COL19A1: variants seen among roughly 807,000 people sequenced by gnomAD.
COL19A1 encodes collagen alpha-1(XIX) chain.
Under a neutral mutation model 190.2 loss-of-function variants are expected in COL19A1, and 159 were observed. The ratio of observed to expected loss-of-function variants is 0.84; its 90% CI spans 0.73 to 0.95. COL19A1 has a LOEUF of 0.95. Ranked by LOEUF, COL19A1 falls within the 40% of genes least tolerant of loss-of-function variation. The probability of loss-of-function intolerance (pLI) is 0.00; values close to 1 mark genes in which losing one functional copy is unlikely to be tolerated. For synonymous variants in COL19A1, 509 were observed against 458.9 expected, an observed-to-expected ratio of 1.11 and a Z score of -1.39; for missense variants, 1,418 against 1,431.9, an observed-to-expected ratio of 0.99 and a Z score of 0.16.
intron 36 of COL19A1, 81 bp downstream of exon 36, chr6:70,163,477 T>A: frequency 7.5e-7 from 1 of 1,326,014 alleles, no homozygotes; most frequent in Non-Finnish European, 1.1e-6. Context: ...GAGAGAGCCA[T>A]AAAATCAAGC....
At chr6:69,977,319 A>G (rs186107521) in intron 11 of COL19A1, among the ~76,000 whole-genome samples, 9 of 149,230 alleles carry the variant, frequency 6.0e-5, no homozygotes, top group Admixed American at 6.7e-5. Flanking sequence ...AAGGACAAAA[A>G]GCCAAACACC....
intron 16 of COL19A1, among the ~76,000 whole-genome samples, chr6:70,113,159 C>T (rs1784378062): frequency 6.6e-6 from 1 of 152,122 alleles, no homozygotes; most frequent in Non-Finnish European, 1.5e-5. Flanking sequence ...GCTAGCGAGA[C>T]AAGACAAGAT....
chr6:69,949,997 G>A (rs1042508727), intron 9 of COL19A1, among the ~76,000 whole-genome samples: 1 of 151,766 alleles, frequency 6.6e-6, no homozygotes, highest in African/African-American at 2.4e-5. Context: ...TATTAATGGA[G>A]TGAAGCATAT....
At chr6:69,906,323 T>G (rs1397247104) in intron 4 of COL19A1, among the ~76,000 whole-genome samples, 1 of 152,216 alleles carries the variant, frequency 6.6e-6, no homozygotes, top group Admixed American at 6.5e-5. Context: ...GTGAGTTTTC[T>G]GATTCATTGT....
intron 42 of COL19A1, among the ~76,000 whole-genome samples, chr6:70,179,385 C>A (rs1766023589): frequency 6.6e-6 from 1 of 152,174 alleles, no homozygotes; most frequent in Non-Finnish European, 1.5e-5. Context: ...CAGAGGCAAC[C>A]AAGCCTTGCC....
At chr6:69,960,394 T>G (rs1292013243) in intron 10 of COL19A1, among the ~76,000 whole-genome samples, 1 of 152,206 alleles carries the variant, frequency 6.6e-6, no homozygotes. Context: ...TTTTGTTACC[T>G]CTTGCTTATC....
intron 35 of COL19A1, among the ~76,000 whole-genome samples, chr6:70,162,505 CTCAT>C (rs1787872120): frequency 6.6e-6 from 1 of 152,142 alleles, no homozygotes; most frequent in Non-Finnish European, 1.5e-5. Context: ...AACCCAATCT[CTCAT>C]TCAAACAGTT....
chr6:69,903,655 G>A (rs1770333442), intron 4 of COL19A1, among the ~76,000 whole-genome samples: 1 of 152,202 alleles, frequency 6.6e-6, no homozygotes, highest in Non-Finnish European at 1.5e-5. Context: ...GAATACCAGA[G>A]CTCAGCTCCC....
At chr6:70,082,767 G>A (rs1782341342) in intron 15 of COL19A1, among the ~76,000 whole-genome samples, 1 of 152,056 alleles carries the variant, frequency 6.6e-6, no homozygotes, top group Admixed American at 6.6e-5. Context: ...ACCTTTTTTG[G>A]CACCAGGGAT....
chr6:70,177,248 G>T (rs1167635357), intron 42 of COL19A1, among the ~76,000 whole-genome samples: 1 of 151,976 alleles, frequency 6.6e-6, no homozygotes, highest in Non-Finnish European at 1.5e-5. Flanking sequence ...CTCTTGCTAG[G>T]TGCTCCTGCA....
At chr6:70,185,445 A>G (rs1355478976) in intron 46 of COL19A1, among the ~76,000 whole-genome samples, 1 of 152,206 alleles carries the variant, frequency 6.6e-6, no homozygotes, top group East Asian at 1.9e-4. Flanking sequence ...AGAACTACTG[A>G]CATGCAGAAA....
At chr6:70,106,709 C>A (rs947771385) in intron 16 of COL19A1, among the ~76,000 whole-genome samples, 5 of 152,138 alleles carry the variant, frequency 3.3e-5, no homozygotes, top group Admixed American at 1.3e-4. Flanking sequence ...TTGTTAAAAA[C>A]CAGAGCTGAT....
chr6:70,026,127 G>C (rs558697210), intron 12 of COL19A1, among the ~76,000 whole-genome samples: 1 of 152,250 alleles, frequency 6.6e-6, no homozygotes, highest in Non-Finnish European at 1.5e-5. Flanking sequence ...TGAAATATTT[G>C]AATAAAACTA....
chr6:69,999,501 T>A (rs1777118450), intron 11 of COL19A1, among the ~76,000 whole-genome samples: 1 of 152,154 alleles, frequency 6.6e-6, no homozygotes, highest in Non-Finnish European at 1.5e-5. Context: ...ATCATTGCAC[T>A]CCAGCCTGAG....
At chr6:69,924,610 A>G (rs7761968) in intron 4 of COL19A1, among the ~76,000 whole-genome samples, 18,553 of 152,156 alleles carry the variant, frequency 0.12, 1,417 homozygotes, top group East Asian at 0.2. Context: ...TCCTTTGGGT[A>G]TATCTGGGTC....
At chr6:69,869,222 C>T (rs1161558355) in intron 1 of COL19A1, among the ~76,000 whole-genome samples, 3 of 152,076 alleles carry the variant, frequency 2.0e-5, no homozygotes, top group African/African-American at 7.2e-5. Context: ...CAGTCATGTG[C>T]CTGGTAAGAC....
At chr6:70,056,586 G>A (rs1011398121) in intron 14 of COL19A1, among the ~76,000 whole-genome samples, 1 of 152,050 alleles carries the variant, frequency 6.6e-6, no homozygotes, top group African/African-American at 2.4e-5. Context: ...TAGTGATGAA[G>A]CACTTGATGT....
intron 16 of COL19A1, among the ~76,000 whole-genome samples, chr6:70,117,026 G>T (rs561077408): frequency 6.6e-6 from 1 of 152,248 alleles, no homozygotes; most frequent in African/African-American, 2.4e-5. Flanking sequence ...GAGATGAAGA[G>T]GTACAGGGTA....
chr6:70,186,559 G>T (rs1190240344), intron 46 of COL19A1, among the ~76,000 whole-genome samples: 2 of 152,134 alleles, frequency 1.3e-5, no homozygotes, highest in Non-Finnish European at 2.9e-5. Flanking sequence ...AATTGAGTTT[G>T]CCCTTCTGCA....
Sources: allele counts gnomAD v4.1 joint callset (sites outside exome capture counted in the v4.1 genomes callset), GRCh38; gene constraint gnomAD v4.1.1; transcripts MANE v1.5; gene names NCBI Gene and HGNC (gene_info 2026-07-23, HGNC 2026-07-21).